NEGR1: variants seen among roughly 807,000 people sequenced by gnomAD.
NEGR1 encodes the protein IgLON family member 4.
NEGR1 carries 10 observed loss-of-function variants against 40.9 expected under a neutral mutation model. That is an observed-to-expected ratio of 0.24 (90% CI 0.15 to 0.42). NEGR1 has a LOEUF of 0.42. Among genes scored for constraint, NEGR1 ranks in the 10% least tolerant of loss-of-function variants. NEGR1 has a pLI of 1.00. For synonymous variants in NEGR1, 185 were observed against 166.8 expected (o/e 1.11, Z -0.84); for missense variants, 352 against 438.9 (o/e 0.80, Z 1.77).
At chr1:72,049,655 C>T (rs1647039195) in intron 1 of NEGR1, among the ~76,000 whole-genome samples, 2 of 150,630 alleles carry the variant, frequency 1.3e-5, no homozygotes, top group Admixed American at 1.3e-4. Context: ...ATTGTCAACG[C>T]ATATAACCTT....
chr1:71,584,090 G>T (rs868024538), intron 6 of NEGR1, among the ~76,000 whole-genome samples: 1 of 152,078 alleles, frequency 6.6e-6, no homozygotes, highest in Non-Finnish European at 1.5e-5. Flanking sequence ...AGTCTGGCTT[G>T]GTTTATTCAA....
At chr1:71,927,350 GTATA>G (rs1645784031) in intron 2 of NEGR1, among the ~76,000 whole-genome samples, 1 of 152,074 alleles carries the variant, frequency 6.6e-6, no homozygotes, top group Non-Finnish European at 1.5e-5. Flanking sequence ...TTCTGTCAAG[GTATA>G]TTTGGGGAAA....
At chr1:71,902,065 A>C (rs1661159172) in intron 2 of NEGR1, among the ~76,000 whole-genome samples, 1 of 152,226 alleles carries the variant, frequency 6.6e-6, no homozygotes, top group Non-Finnish European at 1.5e-5. Flanking sequence ...ACAAAATCAT[A>C]AATATTCACT....
At chr1:71,963,302 T>C (rs560008618) in intron 1 of NEGR1, among the ~76,000 whole-genome samples, 17 of 152,264 alleles carry the variant, frequency 1.1e-4, no homozygotes, top group Non-Finnish European at 2.1e-4. Flanking sequence ...CAGGTTGTAC[T>C]AAGAAGGAAG....
At chr1:71,457,494 A>T (rs1467707604) in intron 6 of NEGR1, among the ~76,000 whole-genome samples, 2 of 152,120 alleles carry the variant, frequency 1.3e-5, no homozygotes, top group African/African-American at 4.8e-5. Context: ...TGATTCAGGG[A>T]TTATGCAAGG....
At chr1:72,165,663 AT>A (rs1397950190) in intron 1 of NEGR1, among the ~76,000 whole-genome samples, 1 of 151,954 alleles carries the variant, frequency 6.6e-6, no homozygotes, top group Non-Finnish European at 1.5e-5. Flanking sequence ...GCTTATTGAA[AT>A]TTGAAATCGA....
At chr1:71,618,179 G>A (rs1013986121) in intron 4 of NEGR1, among the ~76,000 whole-genome samples, 2 of 152,130 alleles carry the variant, frequency 1.3e-5, no homozygotes, top group East Asian at 1.9e-4. Context: ...GTGCATGATC[G>A]TCTTGCTCAG....
intron 1 of NEGR1, among the ~76,000 whole-genome samples, chr1:71,997,044 A>C (rs1368706360): frequency 6.6e-6 from 1 of 152,032 alleles, no homozygotes; most frequent in African/African-American, 2.4e-5. Flanking sequence ...ATAATTGCAC[A>C]GTATTAATGT....
intron 1 of NEGR1, among the ~76,000 whole-genome samples, chr1:72,016,560 G>T (rs1646711954): frequency 6.6e-6 from 1 of 152,168 alleles, no homozygotes; most frequent in Non-Finnish European, 1.5e-5. Context: ...CCCTAAACTT[G>T]CATGATTAAG....
At chr1:71,910,786 T>G (rs1481136761) in intron 2 of NEGR1, among the ~76,000 whole-genome samples, 1 of 152,022 alleles carries the variant, frequency 6.6e-6, no homozygotes, top group Non-Finnish European at 1.5e-5. Flanking sequence ...CAGCCTCGGC[T>G]TCGCAGGCTC....
intron 1 of NEGR1, among the ~76,000 whole-genome samples, chr1:72,042,991 C>T (rs187340323): frequency 6.1e-4 from 93 of 152,032 alleles, no homozygotes; most frequent in Middle Eastern, 6.8e-3. Context: ...TAGTGATATA[C>T]ACATTAATCT....
intron 2 of NEGR1, among the ~76,000 whole-genome samples, chr1:71,802,759 T>C: frequency 6.6e-6 from 1 of 152,176 alleles, no homozygotes; most frequent in Non-Finnish European, 1.5e-5. Flanking sequence ...CTGATTTCTC[T>C]CTCTTGGAAT....
chr1:71,492,073 C>T (rs1646933703), intron 6 of NEGR1, among the ~76,000 whole-genome samples: 1 of 152,052 alleles, frequency 6.6e-6, no homozygotes. Context: ...AGCAATGAAG[C>T]CCCTACCAGA....
intron 6 of NEGR1, among the ~76,000 whole-genome samples, chr1:71,428,443 T>C (rs952649315): frequency 1.3e-5 from 2 of 152,168 alleles, no homozygotes; most frequent in Non-Finnish European, 2.9e-5. Flanking sequence ...AGGCACTGAG[T>C]ATAAGCCCTA....
At chr1:71,528,340 T>C (rs553894158) in intron 6 of NEGR1, among the ~76,000 whole-genome samples, 4 of 151,488 alleles carry the variant, frequency 2.6e-5, no homozygotes, top group African/African-American at 9.6e-5. Context: ...TCATATTAAG[T>C]AATGGATAGT....
rs75098146 is a variant in NEGR1, at chr1:71,955,838, A to G, written c.177-20527T>C. ...ATAGCACGAAATTAAGTTTTCACGG[A>G]CCATTCTGTTTCAGTTAACTGTACT... On this transcript the variant is annotated intron_variant, in intron 1 of 6. Transcript: ENST00000357731. Among the ~76,000 whole-genome samples, 10 of 152,190 alleles carry G rather than the reference A, an allele frequency of 6.6e-5. No individual in the cohort carries two copies. In the East Asian group the frequency reaches 1.9e-3, roughly 29 times the overall value.
chr1:71,653,768 T>G (rs921973094), intron 4 of NEGR1, among the ~76,000 whole-genome samples: 2 of 152,134 alleles, frequency 1.3e-5, no homozygotes, highest in African/African-American at 4.8e-5. Flanking sequence ...GTGTGATTTT[T>G]TTTTTATCAT....
At chr1:72,077,619 G>A (rs1486109) in intron 1 of NEGR1, among the ~76,000 whole-genome samples, 20,621 of 150,850 alleles carry the variant, frequency 0.14, 1,887 homozygotes, top group East Asian at 0.28. Context: ...CTGAAACTCT[G>A]TCTCTACAAT....
chr1:71,798,448 G>C (rs1570361004), intron 2 of NEGR1, among the ~76,000 whole-genome samples: 1 of 152,108 alleles, frequency 6.6e-6, no homozygotes, highest in East Asian at 1.9e-4. Flanking sequence ...AATTACAATT[G>C]CATGTAATAA....
Sources: allele counts gnomAD v4.1 joint callset (sites outside exome capture counted in the v4.1 genomes callset), GRCh38; gene constraint gnomAD v4.1.1; transcripts MANE v1.5; gene names NCBI Gene and HGNC (gene_info 2026-07-23, HGNC 2026-07-21).